ZSCAN4: variants seen among roughly 807,000 people sequenced by gnomAD.
ZSCAN4 encodes the protein zinc finger and SCAN domain-containing protein 4.
ZSCAN4 carries 18 observed loss-of-function variants against 18.3 expected under a neutral mutation model. The ratio of observed to expected loss-of-function variants is 0.98; its 90% confidence interval spans 0.68 to 1.46. ZSCAN4 has a LOEUF of 1.46. Ranked by LOEUF, ZSCAN4 falls within the 40% of genes most tolerant of loss-of-function variation. The probability of loss-of-function intolerance (pLI) is 0.00; values close to 1 mark genes in which losing one functional copy is unlikely to be tolerated. For missense variants in ZSCAN4, 498 were observed against 511.4 expected (o/e 0.97, Z 0.25); for synonymous variants, 193 against 180.3 (o/e 1.07, Z -0.57).
upstream of ZSCAN4, among the ~76,000 whole-genome samples, chr19:57,666,206 C>T (rs1568656546): frequency 6.6e-6 from 1 of 152,162 alleles, no homozygotes; most frequent in Non-Finnish European, 1.5e-5. Flanking sequence ...GTCCAAGTCT[C>T]CACTAAACAT....
the ZSCAN4 span, among the ~76,000 whole-genome samples, chr19:57,658,784 A>G: frequency 6.6e-6 from 1 of 150,422 alleles, no homozygotes; most frequent in Non-Finnish European, 1.5e-5. Context: ...CAGTGTACCA[A>G]TATCATGCCA....
the ZSCAN4 span, among the ~76,000 whole-genome samples, chr19:57,661,800 T>C: frequency 2.0e-5 from 3 of 152,116 alleles, no homozygotes; most frequent in Non-Finnish European, 2.9e-5. Flanking sequence ...AGAACTACCA[T>C]GCTGGGCGCG....
At chr19:57,666,830 G>A (rs1303146751), upstream of ZSCAN4, among the ~76,000 whole-genome samples, 9 of 152,274 alleles carry the variant, frequency 5.9e-5, no homozygotes, top group African/African-American at 1.2e-4. Flanking sequence ...CAGCCTGGGC[G>A]ACAGAGCAAG....
At chr19:57,674,003 C>T (rs147660653) in intron 2 of ZSCAN4, among the ~76,000 whole-genome samples, 205 of 152,316 alleles carry the variant, frequency 1.3e-3, no homozygotes, top group Non-Finnish European at 2.5e-3. Flanking sequence ...ATCTGCCCGC[C>T]TCGGCCTCCC....
At chr19:57,666,226 C>T (rs1223728855), upstream of ZSCAN4, among the ~76,000 whole-genome samples, 6 of 152,184 alleles carry the variant, frequency 3.9e-5, no homozygotes, top group African/African-American at 1.4e-4. Flanking sequence ...TGCTAAGCTT[C>T]GATGCGCCCT....
chr19:57,678,153 T>A lies in ZSCAN4; in HGVS notation c.563-13T>A. 1.2e-6 allele frequency: 2 copies of A among 1,609,258 alleles called. No homozygotes were observed. Among genetic ancestry groups the A allele is most frequent in the Non-Finnish European group, 1.7e-6 (2 of 1,177,442 alleles). The stretch of plus-strand genomic sequence containing the variant: ...TTCTTAAGTACAACTTCATTGAGTG[T>A]CTATTTTCACAGGATATGAAGATGA... On this transcript the variant is annotated splice_polypyrimidine_tract_variant and intron_variant, in intron 4 of 4. Coordinates refer to ENST00000318203, the Ensembl canonical transcript of ZSCAN4.
exon 5 of ZSCAN4, chr19:57,678,752 G>A: frequency 6.2e-7 from 1 of 1,614,006 alleles, no homozygotes; most frequent in Non-Finnish European, 8.5e-7. Context: ...AAACCAACCT[G>A]CGGTCTCATG....
chr19:57,679,052 T>C (rs1320436968), exon 5 of ZSCAN4: 8 of 981,416 alleles, frequency 8.2e-6, no homozygotes, highest in Admixed American at 3.7e-5. Flanking sequence ...AAGGAGAGCA[T>C]GGAATTTGTC....
chr19:57,668,685 TG>T (rs1983922879), upstream of ZSCAN4, among the ~76,000 whole-genome samples: 1 of 152,202 alleles, frequency 6.6e-6, no homozygotes, highest in Non-Finnish European at 1.5e-5. Context: ...CCACACTAGG[TG>T]ACCAGGCGCT....
Position 57,678,067 on chromosome 19 carries a change from G to T in ZSCAN4, c.550G>T (p.Glu184Ter). 6.3e-7 allele frequency: 1 copy of T among 1,582,012 alleles called. No homozygotes were observed. Among genetic ancestry groups the T allele is most frequent in the Non-Finnish European group, 8.6e-7 (1 of 1,166,380 alleles). ...CCAGACTTCCCAAGATACTTCCTTA[G>T]AAACAGGACAAGGTAAGTCAGGTGA... Residue 184 changes from glutamate to a stop codon, truncating the protein, a stop_gained, in exon 4 of 5, where the codon GAA becomes TAA. Coordinates refer to ENST00000318203, the Ensembl canonical transcript of ZSCAN4. LOFTEE classifies it low-confidence loss of function (END_TRUNC).
exon 5 of ZSCAN4, chr19:57,678,811 C>T: frequency 6.2e-7 from 1 of 1,614,138 alleles, no homozygotes; most frequent in Non-Finnish European, 8.5e-7. Flanking sequence ...TTTTGTAAGA[C>T]AAGCTACCGC....
At chr19:57,657,014 G>A in the ZSCAN4 span, among the ~76,000 whole-genome samples, 1 of 152,114 alleles carries the variant, frequency 6.6e-6, no homozygotes, top group African/African-American at 2.4e-5. Flanking sequence ...GGGGGGCTGA[G>A]GAAGGCGGAT....
upstream of ZSCAN4, among the ~76,000 whole-genome samples, chr19:57,667,875 TG>T (rs1983898606): frequency 6.7e-6 from 1 of 148,714 alleles, no homozygotes; most frequent in South Asian, 2.1e-4. Context: ...CATTTTTCAT[TG>T]TTTTTTTTTT....
chr19:57,670,702 T>C (rs1365041116), intron 2 of ZSCAN4, 135 bp downstream of exon 2: 2 of 152,152 alleles, frequency 1.3e-5, no homozygotes, highest in Non-Finnish European at 2.9e-5. Flanking sequence ...TTCAGGAAAA[T>C]TCCTAACTAC....
intron 2 of ZSCAN4, among the ~76,000 whole-genome samples, chr19:57,671,433 T>C (rs1458942861): frequency 1.5e-5 from 2 of 135,156 alleles, no homozygotes; most frequent in Admixed American, 1.5e-4. Flanking sequence ...GGAGAAAGGG[T>C]GGGTAATCCA....
the ZSCAN4 span, among the ~76,000 whole-genome samples, chr19:57,656,268 CCAT>C: frequency 6.6e-6 from 1 of 152,148 alleles, no homozygotes; most frequent in African/African-American, 2.4e-5. Flanking sequence ...CCACAACATC[CCAT>C]CACTGTTGTC....
At chr19:57,659,428 C>G in the ZSCAN4 span, among the ~76,000 whole-genome samples, 1 of 152,020 alleles carries the variant, frequency 6.6e-6, no homozygotes, top group Non-Finnish European at 1.5e-5. Context: ...GCTATGTTGT[C>G]CAGGCTGGAG....
chr19:57,665,923 C>G (rs1983838535), upstream of ZSCAN4, among the ~76,000 whole-genome samples: 1 of 152,014 alleles, frequency 6.6e-6, no homozygotes, highest in Non-Finnish European at 1.5e-5. Flanking sequence ...AATAATAATA[C>G]TGATACTTAA....
At chr19:57,656,091 AG>A in the ZSCAN4 span, among the ~76,000 whole-genome samples, 5 of 152,170 alleles carry the variant, frequency 3.3e-5, no homozygotes, top group Non-Finnish European at 5.9e-5. Flanking sequence ...AGCTTTTCTT[AG>A]TACCAAAGGG....
Sources: allele counts gnomAD v4.1 joint callset (sites outside exome capture counted in the v4.1 genomes callset), GRCh38; gene constraint gnomAD v4.1.1; transcripts MANE v1.5; gene names NCBI Gene and HGNC (gene_info 2026-07-23, HGNC 2026-07-21).